The following SYT1 variants were observed in gnomAD, a reference collection of about 807,000 sequenced individuals.
The protein encoded by SYT1 is synaptotagmin 1.
Under a neutral mutation model 44.8 loss-of-function variants are expected in SYT1, and 8 were observed. The ratio of observed to expected loss-of-function variants is 0.18; its 90% CI spans 0.10 to 0.32. The LOEUF is 0.32. SYT1 is among the 10% of genes least tolerant of loss of function. The pLI, the probability that SYT1 is intolerant of heterozygous loss-of-function variation, is 1.00. For synonymous variants in SYT1, 154 were observed against 188.8 expected (o/e 0.82, Z 1.51); for missense variants, 286 against 509.3 (o/e 0.56, Z 4.22).
chr12:79,052,118 C>G (rs1468791648), intron 3 of SYT1, among the ~76,000 whole-genome samples: 1 of 152,108 alleles, frequency 6.6e-6, no homozygotes, highest in African/African-American at 2.4e-5. Flanking sequence ...TTACCTTGGG[C>G]AGTATGGCCA....
chr12:79,142,743 T>C (rs1869640031), intron 3 of SYT1, among the ~76,000 whole-genome samples: 1 of 152,214 alleles, frequency 6.6e-6, no homozygotes, highest in African/African-American at 2.4e-5. Flanking sequence ...ATAGCTATCA[T>C]TGCTTTTAAT....
At chr12:79,422,517 T>C (rs71463818) in intron 9 of SYT1, among the ~76,000 whole-genome samples, 1 of 151,482 alleles carries the variant, frequency 6.6e-6, no homozygotes, top group Non-Finnish European at 1.5e-5. Flanking sequence ...CTAACTTTTT[T>C]CCCCAAAGCT....
intron 9 of SYT1, among the ~76,000 whole-genome samples, chr12:79,388,970 A>G (rs1884548812): frequency 6.6e-6 from 1 of 152,196 alleles, no homozygotes; most frequent in South Asian, 2.1e-4. Flanking sequence ...CCATCTTTGA[A>G]TGTCATTAAG....
At chr12:79,004,884 A>G (rs540236193) in intron 2 of SYT1, among the ~76,000 whole-genome samples, 61 of 152,166 alleles carry the variant, frequency 4.0e-4, no homozygotes, top group Middle Eastern at 3.4e-3. Flanking sequence ...CTATTAAACA[A>G]TAATATTGGT....
chr12:79,086,149 A>C (rs1032512530), intron 3 of SYT1, among the ~76,000 whole-genome samples: 2 of 152,192 alleles, frequency 1.3e-5, no homozygotes, highest in Non-Finnish European at 1.5e-5. Context: ...AGAAATCAAT[A>C]AAGTGATCTG....
intron 3 of SYT1, among the ~76,000 whole-genome samples, chr12:79,106,943 G>A (rs1878750936): frequency 1.3e-5 from 2 of 151,882 alleles, no homozygotes; most frequent in South Asian, 2.1e-4. Context: ...TATTTTATTT[G>A]TTATCCAACA....
chr12:79,444,013 C>G (rs1304750198), intron 9 of SYT1, 60 bp from the exon 10 acceptor site: 2 of 1,577,586 alleles, frequency 1.3e-6, no homozygotes, highest in African/African-American at 1.4e-5. Flanking sequence ...TATAAGCTAA[C>G]TTATAATCTA....
At chr12:79,048,934 CTG>C (rs569545702) in intron 3 of SYT1, among the ~76,000 whole-genome samples, 122 of 151,966 alleles carry the variant, frequency 8.0e-4, no homozygotes, top group African/African-American at 2.7e-3. Flanking sequence ...AAAGACTAGA[CTG>C]TCTTAAAGTT....
intron 9 of SYT1, among the ~76,000 whole-genome samples, chr12:79,363,534 G>A (rs1013876124): frequency 6.6e-6 from 1 of 150,826 alleles, no homozygotes. Context: ...AGATCAGCCT[G>A]AGCTGCATAG....
intron 1 of SYT1, among the ~76,000 whole-genome samples, chr12:78,877,013 A>G (rs1317180581): frequency 9.0e-6 from 1 of 110,898 alleles, no homozygotes; most frequent in African/African-American, 3.4e-5. Flanking sequence ...TTTTGCGATG[A>G]CATTTTTATC....
intron 2 of SYT1, among the ~76,000 whole-genome samples, chr12:79,044,479 A>G (rs942024749): frequency 6.8e-6 from 1 of 147,962 alleles, no homozygotes; most frequent in South Asian, 2.2e-4. Flanking sequence ...CAGCTCCATC[A>G]GCTCCTTTAA....
chr12:79,438,362 T>C (rs1870211775), intron 9 of SYT1, among the ~76,000 whole-genome samples: 1 of 152,180 alleles, frequency 6.6e-6, no homozygotes, highest in Admixed American at 6.5e-5. Flanking sequence ...GAGGTGATAG[T>C]TCATGCCACC....
At chr12:79,163,303 A>G (rs1871058511) in intron 3 of SYT1, among the ~76,000 whole-genome samples, 1 of 152,104 alleles carries the variant, frequency 6.6e-6, no homozygotes. Context: ...CATAGAGAAC[A>G]TTCTCTTCCT....
At chr12:79,410,021 C>T (rs1868354815) in intron 9 of SYT1, among the ~76,000 whole-genome samples, 1 of 151,938 alleles carries the variant, frequency 6.6e-6, no homozygotes, top group Non-Finnish European at 1.5e-5. Flanking sequence ...TTGCTCATAT[C>T]TTCATGGCCA....
chr12:79,307,893 AAGAC>A (rs1880492380), intron 8 of SYT1, among the ~76,000 whole-genome samples: 2 of 152,212 alleles, frequency 1.3e-5, no homozygotes, highest in Admixed American at 1.3e-4. Context: ...TCGGTGAAGA[AAGAC>A]AGATGGCAAA....
intron 1 of SYT1, among the ~76,000 whole-genome samples, chr12:78,871,243 C>T (rs553441236): frequency 6.6e-6 from 1 of 152,108 alleles, no homozygotes; most frequent in African/African-American, 2.4e-5. Flanking sequence ...AAACATCACA[C>T]ACGAGCTTGC....
intron 1 of SYT1, among the ~76,000 whole-genome samples, chr12:78,901,273 T>C (rs1875648112): frequency 6.6e-6 from 1 of 152,126 alleles, no homozygotes; most frequent in Non-Finnish European, 1.5e-5. Context: ...GTGGACCTCC[T>C]AAAATATTTT....
At chr12:79,342,315 T>C (rs1369952736) in intron 8 of SYT1, among the ~76,000 whole-genome samples, 1 of 152,130 alleles carries the variant, frequency 6.6e-6, no homozygotes, top group South Asian at 2.1e-4. Flanking sequence ...CACTGAAGAC[T>C]CAAACTCTCG....
At chr12:79,317,743 G>A (rs1029259800) in intron 8 of SYT1, among the ~76,000 whole-genome samples, 1 of 151,944 alleles carries the variant, frequency 6.6e-6, no homozygotes, top group African/African-American at 2.4e-5. Context: ...AAAAGGAAAA[G>A]TTTATTGGAA....
Sources: allele counts gnomAD v4.1 joint callset (sites outside exome capture counted in the v4.1 genomes callset), GRCh38; gene constraint gnomAD v4.1.1; transcripts MANE v1.5; gene names NCBI Gene and HGNC (gene_info 2026-07-23, HGNC 2026-07-21).